The following OTUD7A variants were observed in gnomAD, a reference collection of about 807,000 sequenced individuals.
OTUD7A encodes the protein OTU deubiquitinase 7A.
OTUD7A carries 12 observed loss-of-function variants against 65.7 expected under a neutral mutation model. The ratio of observed to expected loss-of-function variants is 0.18; its 90% confidence interval spans 0.12 to 0.30. The LOEUF (loss-of-function observed/expected upper bound fraction) is 0.30, where lower values mean the gene tolerates loss of function less well. OTUD7A is among the 10% of genes least tolerant of loss of function. The pLI is 1.00. For synonymous variants in OTUD7A, 641 were observed against 586.3 expected, an observed-to-expected ratio of 1.09 and a Z score of -1.35; for missense variants, 1,148 against 1,304.8, an observed-to-expected ratio of 0.88 and a Z score of 1.85.
At chr15:31,759,406 G>T (rs78378705) in intron 1 of OTUD7A, among the ~76,000 whole-genome samples, 19,569 of 152,262 alleles carry the variant, frequency 0.13, 1,644 homozygotes, top group Middle Eastern at 0.24. Flanking sequence ...GGCCATGTGT[G>T]CATGAGTCTG....
intron 1 of OTUD7A, among the ~76,000 whole-genome samples, chr15:31,829,137 T>TG (rs1318159225): frequency 6.6e-6 from 1 of 152,106 alleles, no homozygotes; most frequent in African/African-American, 2.4e-5. Flanking sequence ...AAGCAAACTA[T>TG]GGGGCAGTAG....
intron 1 of OTUD7A, among the ~76,000 whole-genome samples, chr15:31,740,138 G>A (rs1894300607): frequency 6.6e-6 from 1 of 152,170 alleles, no homozygotes; most frequent in Non-Finnish European, 1.5e-5. Flanking sequence ...AGGCCTCACT[G>A]AGAAGGTGAT....
At chr15:31,791,596 C>T (rs1048195720) in intron 1 of OTUD7A, among the ~76,000 whole-genome samples, 1 of 152,134 alleles carries the variant, frequency 6.6e-6, no homozygotes, top group African/African-American at 2.4e-5. Context: ...CAACACGTCC[C>T]GGACCAACCC....
rs148510685 is a variant in OTUD7A at position 31,625,381 on chromosome 15, A to G, written c.151+29715T>C. ...GGCAATAGATGACTAGTACACCACA[A>G]TATCAGACTTCGACTAAACATTCCT... On this transcript the variant is annotated intron_variant, in intron 3 of 12. Transcript: ENST00000307050. Among the ~76,000 whole-genome samples the G allele has an allele frequency of 5.3e-3, 800 of 152,190 alleles. 5 individuals are homozygous for G. The highest frequency in any genetic ancestry group is 8.8e-3 in the Non-Finnish European group (598 of 67,990).
intron 5 of OTUD7A, among the ~76,000 whole-genome samples, chr15:31,554,093 T>C (rs904378214): frequency 1.3e-5 from 2 of 152,178 alleles, no homozygotes; most frequent in East Asian, 1.9e-4. Flanking sequence ...GATGTTAGAC[T>C]CCCTCTGCCA....
chr15:31,842,067 T>C (rs1897195731), intron 1 of OTUD7A, among the ~76,000 whole-genome samples: 1 of 152,248 alleles, frequency 6.6e-6, no homozygotes, highest in Admixed American at 6.5e-5. Flanking sequence ...TGAGAATTAA[T>C]GAGCTACAAC....
rs398026753 is a variant in OTUD7A at position 31,564,387 on chromosome 15, G to GTTTTTTTTTTTTTTTTTTTTTTT, written c.332-5201_332-5200insAAAAAAAAAAAAAAAAAAAAAAA. 1.9e-4 allele frequency among the ~76,000 whole-genome samples: 23 copies of GTTTTTTTTTTTTTTTTTTTTTTT among 119,908 alleles called. 3 individuals carry two copies. The highest frequency in any genetic ancestry group is 2.7e-4 in the Admixed American group (3 of 11,312). 78.7% of individuals were successfully genotyped at this position (119,908 alleles called of 152,430 possible). Reference sequence around the variant, plus strand: ...TTTTTGGAAGTAGTCTTTGAGGAAGGTTTTTTTTTTTTTAGCAAAAGAGAA... The same window carrying GTTTTTTTTTTTTTTTTTTTTTTT: ...TTTTTGGAAGTAGTCTTTGAGGAAGGTTTTTTTTTTTTTTTTTTTTTTTTTTTTTTTTTTTTAGCAAAAGAGAA... On this transcript the variant is annotated intron_variant, in intron 4 of 12. Transcript: ENST00000307050.
intron 1 of OTUD7A, among the ~76,000 whole-genome samples, chr15:31,758,972 G>A (rs1443082589): frequency 6.6e-6 from 1 of 152,120 alleles, no homozygotes; most frequent in African/African-American, 2.4e-5. Context: ...GCCCCCTCCA[G>A]GGTTTAGAAT....
intron 3 of OTUD7A, among the ~76,000 whole-genome samples, chr15:31,650,316 AG>A (rs1470256494): frequency 1.5e-5 from 1 of 64,552 alleles, no homozygotes; most frequent in Non-Finnish European, 2.7e-5. Context: ...AGGGCTGAAA[AG>A]GTAGAGCCCA....
chr15:31,702,149 CA>C (rs1408086838), intron 1 of OTUD7A, among the ~76,000 whole-genome samples: 2 of 106,694 alleles, frequency 1.9e-5, no homozygotes, highest in Non-Finnish European at 3.7e-5. Context: ...AGAGCATTCA[CA>C]AAAAACCTAC....
chr15:31,657,349 T>C (rs1277924013), intron 1 of OTUD7A, among the ~76,000 whole-genome samples: 7 of 151,610 alleles, frequency 4.6e-5, no homozygotes, highest in South Asian at 4.2e-4. Context: ...AGCTGTTTTT[T>C]CCTTTTCCTT....
intron 1 of OTUD7A, among the ~76,000 whole-genome samples, chr15:31,827,202 A>C (rs1896818281): frequency 6.6e-6 from 1 of 152,232 alleles, no homozygotes; most frequent in South Asian, 2.1e-4. Context: ...CAGTTTACAA[A>C]AGAAAGAAGT....
At chr15:31,779,230 T>C (rs955212871) in intron 1 of OTUD7A, among the ~76,000 whole-genome samples, 1 of 152,130 alleles carries the variant, frequency 6.6e-6, no homozygotes, top group Non-Finnish European at 1.5e-5. Flanking sequence ...TCCATTTCCT[T>C]TATGGCACTA....
chr15:31,840,277 T>C (rs35907062), intron 1 of OTUD7A, among the ~76,000 whole-genome samples: 4,548 of 151,184 alleles, frequency 0.03, 110 homozygotes, highest in Middle Eastern at 0.071. Context: ...AATAAATAAA[T>C]AAATAAATAA....
intron 3 of OTUD7A, among the ~76,000 whole-genome samples, chr15:31,582,600 G>A (rs559208423): frequency 7.2e-5 from 11 of 152,306 alleles, no homozygotes; most frequent in African/African-American, 2.4e-4. Context: ...AAGAGAGCTC[G>A]TGTAGGGGAA....
intron 1 of OTUD7A, among the ~76,000 whole-genome samples, chr15:31,740,053 T>C (rs1436182950): frequency 6.6e-6 from 1 of 152,002 alleles, no homozygotes; most frequent in Non-Finnish European, 1.5e-5. Context: ...ACTACCACGG[T>C]GAAAAGACAA....
At position 31,487,702 on chromosome 15, in the gene OTUD7A, A is replaced by T. The variant is rs1422139585; in HGVS notation, c.1172-136T>A. The stretch of plus-strand genomic sequence containing the variant: ...TACACAGATCTGTGCCAGCAGGAGC[A>T]TGAAGACCAAAACCACTATTGCTAG... On this transcript the variant is annotated intron_variant, in intron 10 of 12. Transcript: ENST00000307050. The surrounding 1 kb of genome is among the most constrained non-coding windows in gnomAD (Gnocchi z 6.0). The T allele has an allele frequency of 6.0e-6, 4 of 669,558 alleles. No homozygotes were observed. The highest frequency in any genetic ancestry group is 7.5e-6 in the Non-Finnish European group (3 of 399,166). The allele number at this position is 669,558 out of a possible 1,614,324, so 41.5% of individuals were successfully genotyped here.
intron 4 of OTUD7A, among the ~76,000 whole-genome samples, chr15:31,561,711 T>G (rs988277467): frequency 1.3e-5 from 2 of 152,092 alleles, no homozygotes; most frequent in African/African-American, 4.8e-5. Context: ...GAGAAATATA[T>G]GCTCCTAATT....
At chr15:31,663,952 C>T (rs917374461) in intron 1 of OTUD7A, among the ~76,000 whole-genome samples, 11 of 152,156 alleles carry the variant, frequency 7.2e-5, no homozygotes, top group African/African-American at 2.4e-4. Context: ...AGTTACTTCA[C>T]TTAGAATAAT....
Sources: gnomAD v4.1 joint callset for allele counts (sites outside exome capture counted in the v4.1 genomes callset) on GRCh38, gnomAD v4.1.1 for gene constraint, Gnocchi (gnomAD v3.1) non-coding constraint, MANE v1.5 for transcripts, NCBI Gene and HGNC (gene_info 2026-07-23, HGNC 2026-07-21) for gene names.